Variants in LINC00632 observed in about 807,000 individuals in gnomAD.
LINC00632 encodes the protein ALDOA related specific transcript.
chrX:140,772,676 A>G (rs1314631411), exon 4 of LINC00632: 14 of 160,319 alleles, frequency 8.7e-5, no homozygotes, highest in Non-Finnish European at 1.4e-4. Flanking sequence ...AAAATTGAGA[A>G]AGCAGTTGGG....
At chrX:140,720,347 G>C (rs896582248) in intron 2 of LINC00632, among the ~76,000 whole-genome samples, 1 of 111,173 alleles carries the variant, frequency 9.0e-6, no homozygotes, top group African/African-American at 3.3e-5. Context: ...GCCTTGTCTT[G>C]TAACACTGAG....
exon 5 of LINC00632, among the ~76,000 whole-genome samples, chrX:140,776,572 G>A (rs1316191645): frequency 1.8e-5 from 2 of 112,693 alleles, no homozygotes; most frequent in East Asian, 5.6e-4. Flanking sequence ...GGGGTGTCGC[G>A]CGCTGGCCTG....
chrX:140,731,092 G>A (rs994979982), intron 2 of LINC00632, among the ~76,000 whole-genome samples: 1 of 110,612 alleles, frequency 9.0e-6, no homozygotes, highest in Non-Finnish European at 1.9e-5. Flanking sequence ...TGGTAAAGAC[G>A]GAGTTTCATC....
At position 140,736,874 on chromosome X, in the gene LINC00632, GCTTTTTT is replaced by G. The variant is rs760973476; in HGVS notation, n.191+2924_191+2930del. On this transcript the variant is annotated intron_variant and non_coding_transcript_variant, in intron 3 of 4. Coordinates refer to ENST00000648200, the Ensembl canonical transcript of LINC00632. ...TTTATAAAATGAAATGAAGATTGAT[GCTTTTTT>G]CTTTTTTCTTTTTCTTTTCTTTTTT... is the stretch of plus-strand genomic sequence containing the variant. Among the ~76,000 whole-genome samples, 243 of 108,403 alleles carry G rather than the reference GCTTTTTT, an allele frequency of 2.2e-3. 1 individual carries two copies. Among genetic ancestry groups the G allele is most frequent in the African/African-American group, 7.6e-3 (225 of 29,771 alleles). The allele number at this position is 108,403 out of a possible 115,157, so 94.1% of individuals were successfully genotyped here.
intron 3 of LINC00632, among the ~76,000 whole-genome samples, chrX:140,762,390 G>A (rs1047143552): frequency 5.3e-5 from 6 of 112,207 alleles, no homozygotes; most frequent in African/African-American, 9.7e-5. Flanking sequence ...GAAAAGCAGA[G>A]ACAGCCTGTA....
At chrX:140,777,049 C>T (rs1452851914) in exon 5 of LINC00632, among the ~76,000 whole-genome samples, 2 of 101,286 alleles carry the variant, frequency 2.0e-5, no homozygotes, top group African/African-American at 7.3e-5. Flanking sequence ...AACAGAGAAC[C>T]AAACACCACA....
intron 3 of LINC00632, among the ~76,000 whole-genome samples, chrX:140,746,962 T>C: frequency 8.9e-6 from 1 of 112,026 alleles, no homozygotes; most frequent in Non-Finnish European, 1.9e-5. Context: ...ATATGGTTCC[T>C]TCTTTTGGCC....
chrX:140,776,533 C>T, exon 5 of LINC00632, among the ~76,000 whole-genome samples: 1 of 113,100 alleles, frequency 8.8e-6, no homozygotes, highest in Admixed American at 9.3e-5. Context: ...GTCCTCGTTA[C>T]CCAAGCCCGC....
At chrX:140,761,057 G>A (rs1265541424) in intron 3 of LINC00632, among the ~76,000 whole-genome samples, 3 of 112,321 alleles carry the variant, frequency 2.7e-5, no homozygotes, top group African/African-American at 9.7e-5. Context: ...TGTCCCAGGA[G>A]GCTTGTTCAC....
intron 3 of LINC00632, among the ~76,000 whole-genome samples, chrX:140,756,654 C>T (rs1330881047): frequency 8.9e-6 from 1 of 111,919 alleles, no homozygotes; most frequent in East Asian, 2.8e-4. Flanking sequence ...CCCTAGCCCA[C>T]ATGCATAGGC....
chrX:140,747,037 A>G (rs1172620631), intron 3 of LINC00632, among the ~76,000 whole-genome samples: 1 of 112,245 alleles, frequency 8.9e-6, no homozygotes, highest in Non-Finnish European at 1.9e-5. Context: ...TAACAAGGAA[A>G]GGTAAATACA....
At chrX:140,752,136 A>G (rs1286078802) in intron 3 of LINC00632, among the ~76,000 whole-genome samples, 4 of 111,663 alleles carry the variant, frequency 3.6e-5, no homozygotes, top group Non-Finnish European at 7.5e-5. Flanking sequence ...TGGGCTGTTT[A>G]AAGCCCATCC....
intron 3 of LINC00632, among the ~76,000 whole-genome samples, chrX:140,736,424 TTTC>T (rs138263060): frequency 0.28 from 25,788 of 93,675 alleles, 3,495 homozygotes; most frequent in East Asian, 0.53. Flanking sequence ...TTCTTTTTCT[TTTC>T]TTCTTCTTCT....
chrX:140,774,269 A>T (rs1931844791), exon 4 of LINC00632, among the ~76,000 whole-genome samples: 1 of 112,450 alleles, frequency 8.9e-6, no homozygotes, highest in Non-Finnish European at 1.9e-5. Context: ...ATGATTCAAA[A>T]GAAAGAGATC....
chrX:140,770,965 C>T (rs1387813508), intron 3 of LINC00632, among the ~76,000 whole-genome samples: 1 of 111,705 alleles, frequency 9.0e-6, no homozygotes, highest in Non-Finnish European at 1.9e-5. Context: ...CTAAGATCAG[C>T]TTGAGGACTC....
intron 3 of LINC00632, among the ~76,000 whole-genome samples, chrX:140,769,059 G>A (rs1931747332): frequency 9.1e-6 from 1 of 110,228 alleles, no homozygotes; most frequent in South Asian, 3.8e-4. Flanking sequence ...AAGTAAACTA[G>A]TCTTTCCAGA....
At chrX:140,773,092 G>C (rs933817832) in exon 4 of LINC00632, among the ~76,000 whole-genome samples, 4 of 111,688 alleles carry the variant, frequency 3.6e-5, no homozygotes, top group African/African-American at 1.3e-4. Flanking sequence ...CTTGAACCTA[G>C]GAGGCAGAGG....
exon 5 of LINC00632, among the ~76,000 whole-genome samples, chrX:140,775,860 A>T (rs1366823558): frequency 1.8e-5 from 2 of 110,948 alleles, no homozygotes; most frequent in African/African-American, 6.6e-5. Context: ...GAAATTTGGC[A>T]TGAGGGAGTC....
chrX:140,713,399 C>T (rs1930558031), intron 2 of LINC00632: 1 of 280,783 alleles, frequency 3.6e-6, no homozygotes, highest in Admixed American at 4.2e-5. Flanking sequence ...GACTGTGGGA[C>T]GGGTTACTTA....
Sources: allele counts gnomAD v4.1 joint callset (sites outside exome capture counted in the v4.1 genomes callset), GRCh38; gene constraint gnomAD v4.1.1; transcripts MANE v1.5; gene names NCBI Gene and HGNC (gene_info 2026-07-23, HGNC 2026-07-21).